The following CNTN4 variants were observed in gnomAD, a reference collection of about 807,000 sequenced individuals.
CNTN4 encodes the protein contactin 4.
A neutral mutation model predicts 122.5 loss-of-function variants in CNTN4; 77 were observed. The ratio of observed to expected loss-of-function variants is 0.63; its 90% CI spans 0.52 to 0.76. The LOEUF is 0.76. Ranked by LOEUF, CNTN4 falls within the 30% of genes least tolerant of loss-of-function variation. The pLI, the probability that CNTN4 is intolerant of heterozygous loss-of-function variation, is 0.00. For synonymous variants in CNTN4, 512 were observed against 447.0 expected, an observed-to-expected ratio of 1.15 and a Z score of -1.83; for missense variants, 1,256 against 1,259.1, an observed-to-expected ratio of 1.00 and a Z score of 0.04.
intron 2 of CNTN4, among the ~76,000 whole-genome samples, chr3:2,202,972 C>T (rs1270690114): frequency 2.0e-5 from 3 of 151,226 alleles, no homozygotes; most frequent in Non-Finnish European, 4.4e-5. Flanking sequence ...CAGGTGCATG[C>T]CACCAAGCCT....
intron 3 of CNTN4, among the ~76,000 whole-genome samples, chr3:2,473,170 G>T (rs1292890433): frequency 1.3e-5 from 2 of 148,910 alleles, no homozygotes; most frequent in African/African-American, 2.5e-5. Flanking sequence ...GGTGGAGGTT[G>T]CAGTGAGCCA....
chr3:2,560,663 TAA>T (rs2078912482), intron 3 of CNTN4, among the ~76,000 whole-genome samples: 1 of 152,192 alleles, frequency 6.6e-6, no homozygotes, highest in Non-Finnish European at 1.5e-5. Context: ...GACTTGAACT[TAA>T]GTCTATCTAC....
At chr3:2,108,321 G>A (rs1423189624) in intron 2 of CNTN4, among the ~76,000 whole-genome samples, 1 of 152,006 alleles carries the variant, frequency 6.6e-6, no homozygotes, top group Non-Finnish European at 1.5e-5. Flanking sequence ...ATAAAGAATG[G>A]CTCCGTCACC....
intron 2 of CNTN4, among the ~76,000 whole-genome samples, chr3:2,335,148 A>AG (rs371409657): frequency 2.6e-4 from 39 of 152,248 alleles, no homozygotes; most frequent in African/African-American, 9.1e-4. Flanking sequence ...TTCTGGGCAG[A>AG]GGGAGAGTCG....
chr3:2,105,150 A>T (rs1398042314), intron 2 of CNTN4, among the ~76,000 whole-genome samples: 2 of 152,172 alleles, frequency 1.3e-5, no homozygotes, highest in African/African-American at 4.8e-5. Flanking sequence ...ATTCCTGTAG[A>T]TAAGGAGATT....
chr3:2,926,672 C>G (rs2094476162), intron 13 of CNTN4, among the ~76,000 whole-genome samples: 1 of 152,166 alleles, frequency 6.6e-6, no homozygotes, highest in African/African-American at 2.4e-5. Context: ...CGTATCTACC[C>G]TTTACACCTG....
intron 4 of CNTN4, among the ~76,000 whole-genome samples, chr3:2,633,573 T>C (rs986131785): frequency 1.5e-4 from 23 of 152,224 alleles, no homozygotes; most frequent in African/African-American, 5.3e-4. Flanking sequence ...GATCTTTTAA[T>C]TAGGTGAGGA....
At chr3:2,302,572 G>C (rs1164707896) in intron 2 of CNTN4, among the ~76,000 whole-genome samples, 1 of 152,166 alleles carries the variant, frequency 6.6e-6, no homozygotes, top group African/African-American at 2.4e-5. Context: ...ATTTTGAAAT[G>C]CAATAATATT....
At chr3:2,288,264 A>C (rs1281415679) in intron 2 of CNTN4, among the ~76,000 whole-genome samples, 4 of 152,150 alleles carry the variant, frequency 2.6e-5, no homozygotes, top group Non-Finnish European at 4.4e-5. Context: ...TGGTGCTGGC[A>C]CCTGCTTCTG....
intron 2 of CNTN4, among the ~76,000 whole-genome samples, chr3:2,142,934 TTTAC>T (rs1407229628): frequency 6.6e-6 from 1 of 152,228 alleles, no homozygotes; most frequent in African/African-American, 2.4e-5. Context: ...GACAGTGTAC[TTTAC>T]TTCTACTCTC....
chr3:2,295,069 G>A (rs1490412374), intron 2 of CNTN4, among the ~76,000 whole-genome samples: 2 of 151,430 alleles, frequency 1.3e-5, no homozygotes, highest in African/African-American at 4.9e-5. Flanking sequence ...TCTTAATCCA[G>A]TCTATCATTG....
chr3:2,916,596 ACTT>A (rs1320774305), intron 12 of CNTN4, among the ~76,000 whole-genome samples: 1 of 124,958 alleles, frequency 8.0e-6, no homozygotes, highest in Non-Finnish European at 1.7e-5. Flanking sequence ...TCCCATGTCT[ACTT>A]CTTTCTACAC....
At chr3:2,999,549 A>C (rs1290183150) in intron 14 of CNTN4, among the ~76,000 whole-genome samples, 1 of 152,122 alleles carries the variant, frequency 6.6e-6, no homozygotes, top group African/African-American at 2.4e-5. Flanking sequence ...GGAGGGGCCA[A>C]TTGTCAGTTC....
chr3:2,400,240 A>C (rs1393881889), intron 3 of CNTN4, among the ~76,000 whole-genome samples: 1 of 151,376 alleles, frequency 6.6e-6, no homozygotes, highest in African/African-American at 2.4e-5. Context: ...TTCTAGTATC[A>C]CAAAACCAGA....
rs182238251 is a variant in CNTN4, at chr3:2,544,577, A to G, written c.-88-26839A>G. Among the ~76,000 whole-genome samples, 51 of 152,160 alleles carry G rather than the reference A, an allele frequency of 3.4e-4. No homozygotes were observed. The South Asian group carries it at 9.3e-3, about 28-fold the overall frequency. On this transcript the variant is annotated intron_variant, in intron 3 of 24. Coordinates refer to ENST00000418658, the MANE Select transcript of CNTN4 (RefSeq NM_175607.3). ...AAAAGAAAACAAAGTACAGTATTCA[A>G]TTTCTTCCTGGTTCAGTTTTGGGAG...
chr3:2,361,529 A>G (rs1172213355), intron 3 of CNTN4, among the ~76,000 whole-genome samples: 2 of 152,190 alleles, frequency 1.3e-5, no homozygotes, highest in Non-Finnish European at 1.5e-5. Context: ...CCCTGGGGTC[A>G]TTCTGTGACT....
chr3:2,170,153 C>G (rs2036422267), intron 2 of CNTN4, among the ~76,000 whole-genome samples: 3 of 150,416 alleles, frequency 2.0e-5, no homozygotes, highest in Admixed American at 6.6e-5. Flanking sequence ...AACCCCGTCT[C>G]TACTAAAAAT....
At chr3:2,926,273 G>A (rs2094472402) in intron 13 of CNTN4, among the ~76,000 whole-genome samples, 1 of 152,096 alleles carries the variant, frequency 6.6e-6, no homozygotes, top group Admixed American at 6.5e-5. Context: ...AAACAGCAGA[G>A]TGTTATGCTT....
At chr3:3,042,675 A>T (rs1482096793) in intron 21 of CNTN4, among the ~76,000 whole-genome samples, 1 of 152,212 alleles carries the variant, frequency 6.6e-6, no homozygotes, top group Non-Finnish European at 1.5e-5. Context: ...TGGCAAAATG[A>T]GCTTTGACTT....
Sources: allele counts gnomAD v4.1 joint callset (sites outside exome capture counted in the v4.1 genomes callset), GRCh38; gene constraint gnomAD v4.1.1; transcripts MANE v1.5; gene names NCBI Gene and HGNC (gene_info 2026-07-23, HGNC 2026-07-21).